Variants in PIK3AP1 observed in about 807,000 individuals in gnomAD.
The protein encoded by PIK3AP1 is phosphoinositide 3-kinase adapter protein 1.
Under a neutral mutation model 88.1 loss-of-function variants are expected in PIK3AP1, and 21 were observed. That is an observed-to-expected ratio of 0.24 (90% CI 0.17 to 0.34). PIK3AP1 has a LOEUF of 0.34. Among genes scored for constraint, PIK3AP1 ranks in the 10% least tolerant of loss-of-function variants. The pLI, the probability that PIK3AP1 is intolerant of heterozygous loss-of-function variation, is 1.00. For missense variants in PIK3AP1, 828 were observed against 1,035.7 expected (o/e 0.80, Z 2.75); for synonymous variants, 398 against 400.0 (o/e 1.00, Z 0.06).
At chr10:96,666,205 G>A (rs565304906) in intron 2 of PIK3AP1, among the ~76,000 whole-genome samples, 2 of 152,278 alleles carry the variant, frequency 1.3e-5, no homozygotes, top group Non-Finnish European at 2.9e-5. Flanking sequence ...GGATCACAAG[G>A]TCAGGAGATC....
chr10:96,670,826 T>C (rs1287308736), intron 2 of PIK3AP1, among the ~76,000 whole-genome samples: 1 of 152,342 alleles, frequency 6.6e-6, no homozygotes. Context: ...TTGTAAAGTC[T>C]GGTCATAACT....
intron 2 of PIK3AP1, among the ~76,000 whole-genome samples, chr10:96,708,611 A>C (rs112425830): frequency 2.0e-5 from 3 of 150,724 alleles, no homozygotes; most frequent in African/African-American, 7.3e-5. Context: ...AGCAAAAAGA[A>C]AGCAAAAAGA....
intron 11 of PIK3AP1, 134 bp from the exon 12 acceptor site, chr10:96,620,691 G>C (rs1280279558): frequency 1.4e-6 from 1 of 700,658 alleles, no homozygotes; most frequent in Non-Finnish European, 2.4e-6. Context: ...GGCCAAGAAG[G>C]GGGAGATACA....
intron 10 of PIK3AP1, among the ~76,000 whole-genome samples, chr10:96,624,964 A>C (rs1011217152): frequency 6.6e-6 from 1 of 152,236 alleles, no homozygotes; most frequent in African/African-American, 2.4e-5. Context: ...TGCTTCTTAG[A>C]TTGAGTTCCC....
At chr10:96,695,280 A>G (rs775795045) in intron 2 of PIK3AP1, among the ~76,000 whole-genome samples, 2 of 152,236 alleles carry the variant, frequency 1.3e-5, no homozygotes, top group Non-Finnish European at 2.9e-5. Flanking sequence ...ATGTTTTCCC[A>G]CATTTCACAT....
chr10:96,685,872 T>G (rs1377946435), intron 2 of PIK3AP1, among the ~76,000 whole-genome samples: 2 of 152,170 alleles, frequency 1.3e-5, no homozygotes, highest in East Asian at 3.8e-4. Flanking sequence ...ATGCTGAAAC[T>G]AGCCACCAAC....
chr10:96,676,650 T>TG, intron 2 of PIK3AP1, among the ~76,000 whole-genome samples: 1 of 117,710 alleles, frequency 8.5e-6, no homozygotes, highest in East Asian at 2.4e-4. Flanking sequence ...GGGGATTTTC[T>TG]GGGGTTTTTT....
chr10:96,661,772 G>A (rs937453598), intron 2 of PIK3AP1, among the ~76,000 whole-genome samples: 1 of 149,382 alleles, frequency 6.7e-6, no homozygotes, highest in Non-Finnish European at 1.5e-5. Flanking sequence ...GCGAGACACT[G>A]AGAAAAGGAA....
intron 8 of PIK3AP1, among the ~76,000 whole-genome samples, chr10:96,637,129 G>C (rs1843321948): frequency 6.6e-6 from 1 of 152,144 alleles, no homozygotes; most frequent in African/African-American, 2.4e-5. Flanking sequence ...GCCAAAAAGA[G>C]AGCCTTAGAG....
chr10:96,652,719 T>C lies in PIK3AP1; in HGVS notation c.691A>G (p.Thr231Ala), dbSNP rs201805846. ...TTACTGGGAGCCTTCACTGAAATGG[T>C]GTACTCATTCTCCACCTTGGCTTCC... ...RMEAKVENEY[T>A]ISVKAPNLSS... The change falls in exon 4 of 17, where the codon ACC (threonine) becomes GCC (alanine). Residue 231 changes from threonine (T) to alanine (A), a missense_variant. Physicochemically the swap from Thr to Ala is moderately conservative, Grantham distance 58. This residue lies in a region of PIK3AP1 where 610 missense variants were observed against 760.1 expected (regional missense o/e 0.80). Coordinates refer to ENST00000339364, the MANE Select transcript of PIK3AP1 (RefSeq NM_152309.3). 3.6e-5 allele frequency: 58 copies of C among 1,614,038 alleles called. No individual in the cohort carries two copies. Among genetic ancestry groups the C allele is most frequent in the Non-Finnish European group, 4.2e-5 (49 of 1,180,022 alleles).
intron 13 of PIK3AP1, among the ~76,000 whole-genome samples, chr10:96,616,184 C>T (rs940947621): frequency 4.6e-5 from 7 of 152,226 alleles, no homozygotes; most frequent in Non-Finnish European, 1.0e-4. Context: ...AGCCCTGCTA[C>T]ACCTGGGGCA....
chr10:96,599,813 T>C (rs560514912), intron 16 of PIK3AP1, among the ~76,000 whole-genome samples: 44 of 152,308 alleles, frequency 2.9e-4, no homozygotes, highest in African/African-American at 1.0e-3. Flanking sequence ...GTAAACATTG[T>C]TTCTTTAGCA....
In PIK3AP1 at chr10:96,645,657, C is replaced by T. The variant is rs753965309; in HGVS notation, c.1191G>A (p.Thr397=). 39 of 1,588,274 alleles carry T rather than the reference C, an allele frequency of 2.5e-5. No homozygotes were observed. Among genetic ancestry groups the T allele is most frequent in the East Asian group, 4.7e-5 (2 of 42,950 alleles). The change falls in exon 8 of 17, where the codon ACG becomes ACA. Residue 397 remains threonine (T), a synonymous_variant. Transcript: ENST00000339364. Reference sequence around the variant, plus strand: ...TAATGTGACTCTTGAGCATGTCCACCGTTTCCTGAAAGAGAAGATGAGGCC... The same window carrying T: ...TAATGTGACTCTTGAGCATGTCCACTGTTTCCTGAAAGAGAAGATGAGGCC... ...LRQFIDEYVE[T]VDMLKSHIKE... is the part of the protein sequence containing the mutation.
At position 96,595,550 on chromosome 10, in the gene PIK3AP1, G is replaced by C. The variant is rs1391337579; in HGVS notation, c.*27C>G. 6.2e-7 allele frequency: 1 copy of C among 1,607,330 alleles called. No individual in the cohort carries two copies. Among genetic ancestry groups the C allele is most frequent in the African/African-American group, 1.3e-5 (1 of 74,906 alleles). Reference sequence around the variant, plus strand: ...TGAAGACTGTGAGTCTTAAAGTCCTGAAGTAGGCAGGTTTTAGGAGGTGGA... The same window carrying C: ...TGAAGACTGTGAGTCTTAAAGTCCTCAAGTAGGCAGGTTTTAGGAGGTGGA... On this transcript the variant is annotated 3_prime_UTR_variant, in exon 17 of 17. Transcript: ENST00000339364.
At chr10:96,692,746 A>G (rs1844170857) in intron 2 of PIK3AP1, among the ~76,000 whole-genome samples, 1 of 152,258 alleles carries the variant, frequency 6.6e-6, no homozygotes, top group Admixed American at 6.5e-5. Context: ...GTGGCAGAGC[A>G]TTTGACTGCA....
intron 7 of PIK3AP1, 111 bp downstream of exon 7, chr10:96,648,548 G>A: frequency 8.6e-7 from 1 of 1,159,180 alleles, no homozygotes; most frequent in South Asian, 1.6e-5. Context: ...GGCCAGAAGA[G>A]GTACATGAGG....
intron 2 of PIK3AP1, among the ~76,000 whole-genome samples, chr10:96,672,450 G>A (rs1253659421): frequency 6.6e-6 from 1 of 152,166 alleles, no homozygotes; most frequent in African/African-American, 2.4e-5. Context: ...CAAGGGAGCA[G>A]GACAGGAGGA....
At position 96,595,497 on chromosome 10, in the gene PIK3AP1, A is replaced by G; in HGVS notation, c.*80T>C. ...TTAAGGTCAACAGTCATGCTATAAA[A>G]CTCAACATGAAGACATCATTAACAG... is the stretch of plus-strand genomic sequence containing the variant. On this transcript the variant is annotated 3_prime_UTR_variant, in exon 17 of 17. Transcript: ENST00000339364. 1 of 1,395,734 alleles carries G rather than the reference A, an allele frequency of 7.2e-7. No individual in the cohort carries two copies. The highest frequency in any genetic ancestry group is 1.0e-6 in the Non-Finnish European group (1 of 986,344). The allele number at this position is 1,395,734 out of a possible 1,614,324, so 86.5% of individuals were successfully genotyped here. A position where few individuals can be genotyped will look rare whatever the true frequency, so the allele number is the denominator to read the frequency against.
chr10:96,638,196 A>C (rs1421134964), intron 8 of PIK3AP1, among the ~76,000 whole-genome samples: 1 of 152,148 alleles, frequency 6.6e-6, no homozygotes, highest in East Asian at 1.9e-4. Flanking sequence ...TGAATGGATT[A>C]ATGTTGCTAT....
Sources: gnomAD v4.1 joint callset for allele counts (sites outside exome capture counted in the v4.1 genomes callset) on GRCh38, gnomAD v4.1.1 for gene constraint, gnomAD v4.1.1 regional missense constraint, MANE v1.5 for transcripts, NCBI Gene and HGNC (gene_info 2026-07-23, HGNC 2026-07-21) for gene names.